The following EPB41 variants were observed in gnomAD, a reference collection of about 807,000 sequenced individuals.
EPB41 encodes protein 4.1.
A neutral mutation model predicts 108.0 loss-of-function variants in EPB41; 65 were observed. That is an observed-to-expected ratio of 0.60 (90% CI 0.49 to 0.74). EPB41 has a LOEUF of 0.74. Among genes scored for constraint, EPB41 ranks in the 30% least tolerant of loss-of-function variants. The pLI is 0.00. For missense variants in EPB41, 875 were observed against 1,037.0 expected (o/e 0.84, Z 2.15); for synonymous variants, 336 against 358.9 (o/e 0.94, Z 0.72).
At chr1:29,021,658 C>T (rs2096647267) in intron 7 of EPB41, among the ~76,000 whole-genome samples, 1 of 151,568 alleles carries the variant, frequency 6.6e-6, no homozygotes, top group Non-Finnish European at 1.5e-5. Context: ...TCTCCGCTCA[C>T]TGCAAGCTCC....
intron 1 of EPB41, among the ~76,000 whole-genome samples, chr1:28,895,610 C>T (rs1404781425): frequency 1.3e-5 from 2 of 152,102 alleles, no homozygotes; most frequent in East Asian, 3.8e-4. Context: ...CTGTCTCAAC[C>T]TCCCAAGTAG....
At chr1:28,914,106 C>T (rs1009200733), upstream of EPB41, among the ~76,000 whole-genome samples, 3 of 152,188 alleles carry the variant, frequency 2.0e-5, no homozygotes, top group Admixed American at 1.3e-4. Flanking sequence ...GTGACTTACC[C>T]GAGGTCACTA....
intron 1 of EPB41, among the ~76,000 whole-genome samples, chr1:28,940,463 T>A (rs2094232414): frequency 6.6e-6 from 1 of 151,932 alleles, no homozygotes; most frequent in African/African-American, 2.4e-5. Context: ...ACCAGCCTGG[T>A]CAGCATGGTG....
intron 1 of EPB41, among the ~76,000 whole-genome samples, chr1:28,936,508 A>G (rs2094034689): frequency 6.6e-6 from 1 of 152,214 alleles, no homozygotes; most frequent in Admixed American, 6.5e-5. Context: ...TCAGTCCAGA[A>G]CATTTTCATT....
intron 18 of EPB41, among the ~76,000 whole-genome samples, chr1:29,110,372 A>G (rs1668759116): frequency 6.6e-6 from 1 of 152,092 alleles, no homozygotes; most frequent in African/African-American, 2.4e-5. Flanking sequence ...AAACAAAACA[A>G]AAAGTCAGCT....
rs1027345347 is a variant in EPB41, at chr1:29,115,480, C to T, written c.2497-219C>T. 6.6e-6 allele frequency among the ~76,000 whole-genome samples: 1 copy of T among 152,142 alleles called. No individual in the cohort carries two copies. The highest frequency in any genetic ancestry group is 6.5e-5 in the Admixed American group (1 of 15,276). ...AAGTCCCTCTCCAGTTCCTAGAAGA[C>T]AGCGCTAACCTTCCCTGTCCCTGTG... On this transcript the variant is annotated intron_variant, in intron 19 of 20. Transcript: ENST00000343067. The surrounding 1 kb of genome is among the most constrained non-coding windows in gnomAD (Gnocchi z 4.4).
chr1:28,891,900 T>G (rs1392410351), intron 1 of EPB41, among the ~76,000 whole-genome samples: 1 of 151,932 alleles, frequency 6.6e-6, no homozygotes, highest in Non-Finnish European at 1.5e-5. Context: ...ACAGCCTGGC[T>G]AACACGGTGA....
chr1:29,048,831 AT>A lies in EPB41; in HGVS notation c.1637-4264del, dbSNP rs1036927279. Reference sequence around the variant, plus strand: ...AAGTGCATATAAACTGAATAGGACAATTTTTTTTTGTAGTTCTGTTTTTAAA... The same window carrying A: ...AAGTGCATATAAACTGAATAGGACAATTTTTTTTGTAGTTCTGTTTTTAAA... On this transcript the variant is annotated intron_variant, in intron 11 of 20. Coordinates refer to ENST00000343067, the MANE Select transcript of EPB41 (RefSeq NM_001376013.1). 7.9e-5 allele frequency among the ~76,000 whole-genome samples: 12 copies of A among 151,578 alleles called. No homozygotes were observed. The East Asian group carries it at 1.2e-3, about 15-fold the overall frequency.
At chr1:29,011,940 C>G in intron 5 of EPB41, 33 bp downstream of exon 5, 1 of 1,612,290 alleles carries the variant, frequency 6.2e-7, no homozygotes, top group South Asian at 1.1e-5. Flanking sequence ...ATAGTTCTTT[C>G]TTTCTTTTAG....
At chr1:28,901,550 T>G (rs940805565) in intron 1 of EPB41, among the ~76,000 whole-genome samples, 3 of 151,086 alleles carry the variant, frequency 2.0e-5, no homozygotes, top group African/African-American at 4.9e-5. Flanking sequence ...TATTATTATT[T>G]TGAGATGGAG....
At chr1:29,107,598 A>G (rs568926673) in intron 17 of EPB41, among the ~76,000 whole-genome samples, 1 of 152,160 alleles carries the variant, frequency 6.6e-6, no homozygotes, top group African/African-American at 2.4e-5. Flanking sequence ...AAGAGCTGTA[A>G]TCTCAGCTCT....
Position 28,887,576 on chromosome 1 carries a change from A to G in EPB41, c.-8+366A>G. 1.0e-6 allele frequency: 1 copy of G among 985,062 alleles called. No individual in the cohort carries two copies. Among genetic ancestry groups the G allele is most frequent in the Non-Finnish European group, 1.2e-6 (1 of 829,788 alleles). The allele number at this position is 985,062 out of a possible 1,614,324, so 61.0% of individuals were successfully genotyped here. ...TCGGCGCAGCCCCCGGCCGCCCCCT[A>G]GCCCCGCCTTGCCCGGCCCCGCATG... is the stretch of plus-strand genomic sequence containing the variant. On this transcript the variant is annotated intron_variant, in intron 1 of 16. Coordinates refer to the EPB41 transcript ENST00000347529. The surrounding 1 kb of genome is among the most constrained non-coding windows in gnomAD (Gnocchi z 4.9).
At chr1:28,939,522 CA>C (rs1483245929) in intron 1 of EPB41, among the ~76,000 whole-genome samples, 3 of 152,152 alleles carry the variant, frequency 2.0e-5, no homozygotes, top group East Asian at 1.9e-4. Context: ...TGGCTCACTG[CA>C]ATGACCTTCT....
At chr1:29,116,120 C>T (rs1558353301) in intron 20 of EPB41, among the ~76,000 whole-genome samples, 1 of 150,114 alleles carries the variant, frequency 6.7e-6, no homozygotes. Flanking sequence ...CTTCTCTCTA[C>T]TGCTCTGCTT....
At chr1:29,067,121 G>A (rs1648415477) in intron 16 of EPB41, among the ~76,000 whole-genome samples, 1 of 151,016 alleles carries the variant, frequency 6.6e-6, no homozygotes, top group Admixed American at 6.6e-5. Context: ...TTGGGAGGCT[G>A]AGGCGGGCTG....
intron 1 of EPB41, among the ~76,000 whole-genome samples, chr1:28,892,737 A>G (rs1287608278): frequency 1.3e-5 from 2 of 150,892 alleles, no homozygotes; most frequent in Non-Finnish European, 3.0e-5. Flanking sequence ...AACAAAACAA[A>G]TGGCCCCAAT....
At position 29,058,973 on chromosome 1, in the gene EPB41, A is replaced by G. The variant is rs531640275; in HGVS notation, c.1944+121A>G. 886 of 970,786 alleles carry G rather than the reference A, an allele frequency of 9.1e-4. 7 individuals carry two copies. In the African/African-American group the frequency reaches 0.013, roughly 14 times the overall value. The allele number at this position is 970,786 out of a possible 1,614,324, so 60.1% of individuals were successfully genotyped here. On this transcript the variant is annotated intron_variant, in intron 14 of 20. Coordinates refer to ENST00000343067, the MANE Select transcript of EPB41 (RefSeq NM_001376013.1). ...TTTCTTTTAATCAGGAGTTGTTAAT[A>G]GTTTCAAATAATGGATATGGGCCAG...
chr1:28,913,230 C>A (rs2092350135), upstream of EPB41, among the ~76,000 whole-genome samples: 1 of 152,104 alleles, frequency 6.6e-6, no homozygotes, highest in East Asian at 2.0e-4. Context: ...GGGCGGATCA[C>A]GAGGTCAGGA....
chr1:29,018,913 T>C lies in EPB41; in HGVS notation c.1124+471T>C, dbSNP rs183479391. Among the ~76,000 whole-genome samples, 23 of 152,290 alleles carry C rather than the reference T, an allele frequency of 1.5e-4. No homozygotes were observed. In the East Asian group the frequency reaches 3.7e-3, roughly 24 times the overall value. On this transcript the variant is annotated intron_variant, in intron 7 of 20. Coordinates refer to ENST00000343067, the MANE Select transcript of EPB41 (RefSeq NM_001376013.1). This position sits in a 1 kb window ranked among gnomAD's most constrained non-coding sequence, Gnocchi z 4.4. ...TTAAATTTACTGACTATACTGCTTT[T>C]ATACATGAAAATGATTGGTAATGCT...
Sources: gnomAD v4.1 joint callset for allele counts (sites outside exome capture counted in the v4.1 genomes callset) on GRCh38, gnomAD v4.1.1 for gene constraint, Gnocchi (gnomAD v3.1) non-coding constraint, MANE v1.5 for transcripts, NCBI Gene and HGNC (gene_info 2026-07-23, HGNC 2026-07-21) for gene names.